Variants in SAMD12 observed in about 807,000 individuals in gnomAD.
SAMD12 encodes sterile alpha motif domain containing 12.
A neutral mutation model predicts 15.0 loss-of-function variants in SAMD12; 9 were observed. The ratio of observed to expected loss-of-function variants is 0.60; its 90% CI spans 0.36 to 1.05. SAMD12 has a LOEUF of 1.05. Ranked by LOEUF, SAMD12 falls within the 50% of genes least tolerant of loss-of-function variation. SAMD12 has a pLI of 0.01. For missense variants in SAMD12, 230 were observed against 234.2 expected, an observed-to-expected ratio of 0.98 and a Z score of 0.12; for synonymous variants, 86 against 90.1, an observed-to-expected ratio of 0.96 and a Z score of 0.25.
chr8:118,582,128 A>T (rs1827310630), intron 1 of SAMD12, among the ~76,000 whole-genome samples: 1 of 152,124 alleles, frequency 6.6e-6, no homozygotes, highest in Non-Finnish European at 1.5e-5. Context: ...GGCTTCCCAA[A>T]AGAAGTGAGG....
chr8:118,327,812 G>A lies in SAMD12; in HGVS notation c.433+51748C>T, dbSNP rs181992997. Reference sequence around the variant, plus strand: ...TGGGCAAGTCTGACTGGCAAAGATGGCCTGATTGATGGGGCTTGCACCAAG... The same window carrying A: ...TGGGCAAGTCTGACTGGCAAAGATGACCTGATTGATGGGGCTTGCACCAAG... On this transcript the variant is annotated intron_variant, in intron 4 of 4. Transcript: ENST00000409003. Among the ~76,000 whole-genome samples the A allele has an allele frequency of 7.9e-5, 12 of 152,234 alleles. No individual in the cohort carries two copies. In the East Asian group the frequency reaches 2.3e-3, roughly 29 times the overall value.
At chr8:118,331,239 A>G (rs1816793247) in intron 4 of SAMD12, among the ~76,000 whole-genome samples, 1 of 152,214 alleles carries the variant, frequency 6.6e-6, no homozygotes, top group Admixed American at 6.5e-5. Context: ...TGGACTTAGT[A>G]TACACAGCAG....
At chr8:118,442,729 T>A (rs1822798616) in intron 2 of SAMD12, among the ~76,000 whole-genome samples, 1 of 152,216 alleles carries the variant, frequency 6.6e-6, no homozygotes, top group African/African-American at 2.4e-5. Context: ...ATTAGCTGAA[T>A]GAGTTTATAG....
chr8:118,298,301 T>C (rs975320079), intron 4 of SAMD12, among the ~76,000 whole-genome samples: 6 of 152,364 alleles, frequency 3.9e-5, no homozygotes, highest in Non-Finnish European at 8.8e-5. Context: ...TAAGATGTGT[T>C]TACCCTTGCA....
chr8:118,305,863 T>G (rs1328645718), intron 4 of SAMD12, among the ~76,000 whole-genome samples: 1 of 152,132 alleles, frequency 6.6e-6, no homozygotes, highest in Non-Finnish European at 1.5e-5. Context: ...TTAGCCAATG[T>G]GAAGCATTGG....
downstream of SAMD12, among the ~76,000 whole-genome samples, chr8:118,375,326 T>C (rs1819328489): frequency 6.6e-6 from 1 of 152,182 alleles, no homozygotes; most frequent in Admixed American, 6.5e-5. Context: ...AGTATATTAC[T>C]TAACCTCTTC....
intron 1 of SAMD12, among the ~76,000 whole-genome samples, chr8:118,617,299 G>T (rs1828262800): frequency 6.6e-6 from 1 of 152,218 alleles, no homozygotes; most frequent in African/African-American, 2.4e-5. Flanking sequence ...ACAAACGTTT[G>T]ACGCTATCTC....
rs199665663 is a variant in SAMD12, at chr8:118,438,420, A to AAATT, written c.322+1411_322+1412insAATT. ...TTTAGTGCTTAAATGTTTAAAAAAAATTTTTTTTAATCAATCAAGTTTTCA... is the reference window on the plus strand; with the variant it reads ...TTTAGTGCTTAAATGTTTAAAAAAAAAATTTTTTTTTTAATCAATCAAGTTTTCA... On this transcript the variant is annotated intron_variant, in intron 3 of 3. Transcript: ENST00000314727. 9.2e-5 allele frequency among the ~76,000 whole-genome samples: 14 copies of AAATT among 151,516 alleles called. No homozygotes were observed. The South Asian group carries it at 1.9e-3, about 20-fold the overall frequency.
chr8:118,214,969 C>G (rs1310467098), intron 4 of SAMD12, among the ~76,000 whole-genome samples: 5 of 152,178 alleles, frequency 3.3e-5, no homozygotes, highest in Admixed American at 6.5e-5. Flanking sequence ...GGCTAAGCTG[C>G]TACTGCAGTT....
At chr8:118,151,151 C>G in the SAMD12 span, among the ~76,000 whole-genome samples, 1 of 152,034 alleles carries the variant, frequency 6.6e-6, no homozygotes, top group Non-Finnish European at 1.5e-5. Context: ...TGTTATCACC[C>G]TTATCTTTGC....
chr8:118,387,862 A>G (rs544277737), intron 3 of SAMD12, among the ~76,000 whole-genome samples: 1 of 152,336 alleles, frequency 6.6e-6, no homozygotes, highest in African/African-American at 2.4e-5. Context: ...CACTATGCAC[A>G]AGGGCGTAAT....
intron 2 of SAMD12, among the ~76,000 whole-genome samples, chr8:118,509,309 C>T (rs1186739352): frequency 2.0e-5 from 3 of 152,180 alleles, no homozygotes; most frequent in Admixed American, 6.5e-5. Flanking sequence ...GTCTGACTCA[C>T]AGCCAAAAGA....
chr8:118,202,785 G>A (rs1285438337), intron 4 of SAMD12, among the ~76,000 whole-genome samples: 1 of 152,098 alleles, frequency 6.6e-6, no homozygotes. Flanking sequence ...AGGCCTTTGG[G>A]GGTGTATCTG....
rs1022943839 is a variant in SAMD12, at chr8:118,468,040, G to A, written c.193-28079C>T. ...TCTTTTTCCTTCAGTAATCTCATTCGTGCAAACCACAAATCTTACTTTGTG... is the reference window on the plus strand; with the variant it reads ...TCTTTTTCCTTCAGTAATCTCATTCATGCAAACCACAAATCTTACTTTGTG... On this transcript the variant is annotated intron_variant, in intron 2 of 3. Transcript: ENST00000314727. Among the ~76,000 whole-genome samples, 8 of 152,084 alleles carry A rather than the reference G, an allele frequency of 5.3e-5. 1 individual carries two copies. In the East Asian group the frequency reaches 1.2e-3, roughly 22 times the overall value.
At chr8:118,573,145 T>C (rs184833133) in intron 2 of SAMD12, among the ~76,000 whole-genome samples, 1 of 152,188 alleles carries the variant, frequency 6.6e-6, no homozygotes, top group Non-Finnish European at 1.5e-5. Context: ...AGTGCAATGG[T>C]GCGTTCCTGG....
At chr8:118,382,469 G>C (rs1242353408) in intron 3 of SAMD12, among the ~76,000 whole-genome samples, 1 of 152,194 alleles carries the variant, frequency 6.6e-6, no homozygotes, top group Non-Finnish European at 1.5e-5. Context: ...CATCTGATTG[G>C]TCAAAGTATG....
At chr8:118,471,820 G>A (rs760423100) in intron 2 of SAMD12, among the ~76,000 whole-genome samples, 2 of 152,032 alleles carry the variant, frequency 1.3e-5, no homozygotes, top group African/African-American at 2.4e-5. Context: ...TGGAGATCCC[G>A]GTACCTGATA....
intron 1 of SAMD12, among the ~76,000 whole-genome samples, chr8:118,613,223 C>T (rs1320577509): frequency 6.6e-6 from 1 of 151,804 alleles, no homozygotes; most frequent in African/African-American, 2.4e-5. Flanking sequence ...AAGTTTAAAA[C>T]CAATTTAAAT....
intron 4 of SAMD12, among the ~76,000 whole-genome samples, chr8:118,348,801 G>A (rs1236546594): frequency 1.3e-5 from 2 of 152,234 alleles, no homozygotes; most frequent in African/African-American, 2.4e-5. Context: ...TATAGGATGA[G>A]CTGGTCAGAC....
Sources: gnomAD v4.1 joint callset for allele counts (sites outside exome capture counted in the v4.1 genomes callset) on GRCh38, gnomAD v4.1.1 for gene constraint, MANE v1.5 for transcripts, NCBI Gene and HGNC (gene_info 2026-07-23, HGNC 2026-07-21) for gene names.